Variants in TRIM9 observed in about 807,000 individuals in gnomAD.
TRIM9 encodes the protein tripartite motif containing 9.
A neutral mutation model predicts 78.3 loss-of-function variants in TRIM9; 26 were observed. That is an observed-to-expected ratio of 0.33 (90% confidence interval 0.24 to 0.46). TRIM9 has a LOEUF of 0.46. TRIM9 is among the 20% of genes least tolerant of loss of function. The pLI is 1.00. For synonymous variants in TRIM9, 398 were observed against 416.5 expected (o/e 0.96, Z 0.54); for missense variants, 787 against 1,036.4 (o/e 0.76, Z 3.30).
At chr14:51,041,079 C>T (rs372734393) in intron 1 of TRIM9, among the ~76,000 whole-genome samples, 1 of 152,192 alleles carries the variant, frequency 6.6e-6, no homozygotes, top group South Asian at 2.1e-4. Flanking sequence ...ATTTAAGCCA[C>T]GTCTGATTTC....
chr14:51,025,305 T>C lies in TRIM9; in HGVS notation c.878A>G (p.Glu293Gly), dbSNP rs745516311. 4 of 1,614,162 alleles carry C rather than the reference T, an allele frequency of 2.5e-6. No individual in the cohort carries two copies. The highest frequency in any genetic ancestry group is 3.4e-6 in the Non-Finnish European group (4 of 1,180,020). Reference sequence around the variant, plus strand: ...CATGTTGCGCAGCTGTACCAGAAACTCCTTGGCTTCTTTGGCCCTGTCTGA... The same window carrying C: ...CATGTTGCGCAGCTGTACCAGAAACCCCTTGGCTTCTTTGGCCCTGTCTGA... Reference protein sequence around the residue: ...GLSDRAKEAKEFLVQLRNMVQ... With the variant: ...GLSDRAKEAKGFLVQLRNMVQ... The change falls in exon 2 of 13, where the codon GAG becomes GGG. Residue 293 changes from glutamate (E) to glycine (G), a missense_variant. Physicochemically the swap from Glu to Gly is moderately conservative, Grantham distance 98. Around this residue, in one of 3 missense-constraint regions of TRIM9, gnomAD observed 352 missense variants for 472.3 expected, o/e 0.75. Coordinates refer to ENST00000684578, the MANE Select transcript of TRIM9 (RefSeq NM_001387360.1).
chr14:51,020,854 A>G (rs575725959), intron 3 of TRIM9, among the ~76,000 whole-genome samples: 2 of 152,208 alleles, frequency 1.3e-5, no homozygotes, highest in Non-Finnish European at 2.9e-5. Context: ...CCCATATAGA[A>G]AGGCTGGAGT....
intron 1 of TRIM9, among the ~76,000 whole-genome samples, chr14:51,056,474 C>T (rs189223053): frequency 6.6e-6 from 1 of 152,260 alleles, no homozygotes; most frequent in Non-Finnish European, 1.5e-5. Flanking sequence ...ATGCTATACT[C>T]TAGATCCCAG....
At chr14:51,082,636 G>A (rs1028385573) in intron 1 of TRIM9, among the ~76,000 whole-genome samples, 10 of 152,148 alleles carry the variant, frequency 6.6e-5, no homozygotes, top group African/African-American at 2.4e-4. Context: ...CTTAATAGTT[G>A]AGGTTTCTTT....
rs1566562773 is a variant in TRIM9, at chr14:51,000,677, A to C, written c.1464+6T>G. 1 of 1,613,992 alleles carries C rather than the reference A, an allele frequency of 6.2e-7. No individual in the cohort carries two copies. The highest frequency in any genetic ancestry group is 8.5e-7 in the Non-Finnish European group (1 of 1,179,914). On this transcript the variant is annotated splice_donor_region_variant and intron_variant, in intron 6 of 12. Transcript: ENST00000684578. ...TTAACAAGTACGTAGTGGGCTGTCT[A>C]CTGACCCGGAATTGACCACCGTTGC...
chr14:50,979,355 C>T (rs2051513569), intron 12 of TRIM9, 32 bp downstream of exon 12: 2 of 1,614,216 alleles, frequency 1.2e-6, no homozygotes, highest in Non-Finnish European at 1.7e-6. Flanking sequence ...TAGCCAGCAA[C>T]AGCTGTTTAA....
At chr14:51,042,950 A>C (rs2059680525) in intron 1 of TRIM9, among the ~76,000 whole-genome samples, 1 of 152,196 alleles carries the variant, frequency 6.6e-6, no homozygotes, top group Admixed American at 6.5e-5. Flanking sequence ...ATATACATAC[A>C]TGTCTCTATA....
intron 1 of TRIM9, among the ~76,000 whole-genome samples, chr14:51,080,814 T>C (rs1038732771): frequency 2.0e-5 from 3 of 152,128 alleles, no homozygotes; most frequent in African/African-American, 7.2e-5. Flanking sequence ...GAAGTGGAAG[T>C]TGGGTAAGGA....
At chr14:51,090,579 AAT>A (rs1475892426) in intron 1 of TRIM9, 1 of 152,200 alleles carries the variant, frequency 6.6e-6, no homozygotes, top group Non-Finnish European at 1.5e-5. Context: ...AATTGTTACA[AAT>A]ATGTTACTGA....
intron 1 of TRIM9, among the ~76,000 whole-genome samples, chr14:51,075,286 T>A (rs2062669156): frequency 6.6e-6 from 1 of 152,198 alleles, no homozygotes; most frequent in South Asian, 2.1e-4. Flanking sequence ...CCACGCCTAC[T>A]CCACGTTAAT....
At chr14:51,073,500 G>A (rs76655218) in intron 1 of TRIM9, among the ~76,000 whole-genome samples, 1,895 of 152,308 alleles carry the variant, frequency 0.012, 33 homozygotes, top group African/African-American at 0.043. Context: ...AACAATATAA[G>A]TGGATCCAAA....
intron 1 of TRIM9, among the ~76,000 whole-genome samples, chr14:51,048,985 A>C (rs2060173686): frequency 8.0e-6 from 1 of 125,504 alleles, no homozygotes; most frequent in Non-Finnish European, 1.7e-5. Flanking sequence ...CTCCATCTCA[A>C]AAAAAAAAAA....
Position 51,009,150 on chromosome 14 carries a change from G to A in TRIM9, c.1236C>T (p.Asp412=). The A allele has an allele frequency of 1.2e-6, 2 of 1,614,118 alleles. No individual in the cohort carries two copies. Among genetic ancestry groups the A allele is most frequent in the Non-Finnish European group, 1.7e-6 (2 of 1,179,970 alleles). ...GGCTGTTGTCCAGACTCAAGTCAAA[G>A]TCCGTGGTCATCCTTGGAGTGAGTG... ...KGTLTPRMTT[D]FDLSLDNSPL... Residue 412 remains aspartate (D), a synonymous_variant, in exon 5 of 13, where the codon GAC becomes GAT. Transcript: ENST00000684578.
chr14:51,027,132 CTTTTTTTTTTTT>C (rs566767264), intron 1 of TRIM9, among the ~76,000 whole-genome samples: 2 of 85,718 alleles, frequency 2.3e-5, no homozygotes, highest in East Asian at 4.1e-4. Context: ...TGGCTGTTAA[CTTTTTTTTTTTT>C]TTTTTTTTTT....
At chr14:51,027,056 A>G (rs1349324134) in intron 1 of TRIM9, among the ~76,000 whole-genome samples, 1 of 151,354 alleles carries the variant, frequency 6.6e-6, no homozygotes, top group African/African-American at 2.4e-5. Flanking sequence ...ATAAGATACT[A>G]TATCTAAAGC....
At chr14:51,023,369 TAAA>T (rs2057938233) in intron 2 of TRIM9, among the ~76,000 whole-genome samples, 1 of 152,038 alleles carries the variant, frequency 6.6e-6, no homozygotes, top group Non-Finnish European at 1.5e-5. Context: ...TTCAAAGGAA[TAAA>T]GAAGAAAAAG....
At position 51,030,927 on chromosome 14, in the gene TRIM9, A is replaced by G. The variant is rs543784950; in HGVS notation, c.823-5567T>C. Among the ~76,000 whole-genome samples, 7 of 152,154 alleles carry G rather than the reference A, an allele frequency of 4.6e-5. No individual in the cohort carries two copies. In the East Asian group the frequency reaches 1.4e-3, roughly 29 times the overall value. Reference sequence around the variant, plus strand: ...TTCGGGAGGCCAAGGCGGGCGGATCACTTGAGGCCAGGAGTTCAAGATCAG... The same window carrying G: ...TTCGGGAGGCCAAGGCGGGCGGATCGCTTGAGGCCAGGAGTTCAAGATCAG... On this transcript the variant is annotated intron_variant, in intron 1 of 12. Transcript: ENST00000684578.
intron 1 of TRIM9, among the ~76,000 whole-genome samples, chr14:51,049,143 CCT>C (rs2060188819): frequency 6.6e-6 from 1 of 152,136 alleles, no homozygotes; most frequent in Non-Finnish European, 1.5e-5. Flanking sequence ...CTCACTGCAG[CCT>C]CTGTCTCCCA....
intron 1 of TRIM9, among the ~76,000 whole-genome samples, chr14:51,075,674 G>A (rs2062709465): frequency 6.6e-6 from 1 of 152,222 alleles, no homozygotes; most frequent in Non-Finnish European, 1.5e-5. Context: ...GTGAGTGAGA[G>A]TCCGAAGGCC....
Sources: gnomAD v4.1 joint callset for allele counts (sites outside exome capture counted in the v4.1 genomes callset) on GRCh38, gnomAD v4.1.1 for gene constraint, gnomAD v4.1.1 regional missense constraint, MANE v1.5 for transcripts, NCBI Gene and HGNC (gene_info 2026-07-23, HGNC 2026-07-21) for gene names.